LEFTY1: variants seen among roughly 807,000 people sequenced by gnomAD.
The protein encoded by LEFTY1 is left-right determination factor 1.
In LEFTY1, 18 loss-of-function variants were observed where a neutral mutation model predicts 22.6. The ratio of observed to expected loss-of-function variants is 0.80; its 90% CI spans 0.55 to 1.18. LEFTY1 has a LOEUF of 1.18. Ranked by LOEUF, LEFTY1 falls within the 50% of genes most tolerant of loss-of-function variation. LEFTY1 has a pLI of 0.00. For synonymous variants in LEFTY1, 201 were observed against 231.5 expected, an observed-to-expected ratio of 0.87 and a Z score of 1.20; for missense variants, 414 against 495.4, an observed-to-expected ratio of 0.84 and a Z score of 1.56.
chr1:225,888,031 C>T lies in LEFTY1; in HGVS notation c.252G>A (p.Glu84=). The T allele has an allele frequency of 6.3e-7, 1 of 1,591,372 alleles. No individual in the cohort carries two copies. ...RGKRFSQSFR[E]VAGRFLALEA... ...CCAACGCCAGGAACCTGCCGGCCAC[C>T]TCTGGGGACAAGAGCAGGGTCAGCA... The change falls in exon 2 of 4, where the codon GAG becomes GAA. Residue 84 remains glutamate (E), a splice_region_variant and synonymous_variant. Transcript: ENST00000272134.
chr1:225,887,567 A>T lies in LEFTY1; in HGVS notation c.569T>A (p.Leu190Gln), dbSNP rs1316050197. The change falls in exon 3 of 4, where the codon CTG (leucine) becomes CAG (glutamine). Residue 190 changes from leucine to glutamine, a missense_variant. By Grantham distance (113) the Leu-to-Gln change is moderately radical. Coordinates refer to ENST00000272134, the MANE Select transcript of LEFTY1 (RefSeq NM_020997.4). ...CAGCAGCGGCTGCCGGGGCCGGCTC[A>T]GCTGCTGCCAGAAGTTCACGGCCTC... ...VTEAVNFWQQ[L>Q]SRPRQPLLLQ... The T allele has an allele frequency of 1.3e-5, 21 of 1,611,080 alleles. No homozygotes were observed. The highest frequency in any genetic ancestry group is 1.7e-5 in the Non-Finnish European group (20 of 1,179,456).
Position 225,889,047 on chromosome 1 carries a change from C to A in LEFTY1, c.20G>T (p.Cys7Phe). The A allele has an allele frequency of 6.7e-7, 1 of 1,483,114 alleles. No homozygotes were observed. Among genetic ancestry groups the A allele is most frequent in the Non-Finnish European group, 8.9e-7 (1 of 1,119,100 alleles). The allele number at this position is 1,483,114 out of a possible 1,614,324, so 91.9% of individuals were successfully genotyped here. ...CAGGGGCAACACCCAGAGTGCCCAG[C>A]AGAGCCACAGGGGCTGCATGGTGCT... MQPLWL[C>F]WALWVLPLAS... Residue 7 changes from cysteine (C) to phenylalanine (F), a missense_variant, in exon 1 of 4, where the codon TGC (cysteine) becomes TTC (phenylalanine). Physicochemically the swap from Cys to Phe is radical, Grantham distance 205. This residue lies in a region of LEFTY1 where 398 missense variants were observed against 454.7 expected (regional missense o/e 0.88). Transcript: ENST00000272134.
intron 2 of LEFTY1, 70 bp downstream of exon 2, chr1:225,887,716 C>T (rs1671314162): frequency 1.3e-6 from 2 of 1,587,950 alleles, no homozygotes; most frequent in East Asian, 2.3e-5. Context: ...CACCGCCCCC[C>T]CGCGTCCCCG....
Position 225,886,665 on chromosome 1 carries a change from G to A in LEFTY1, c.*62C>T, listed in dbSNP as rs553573225. The A allele has an allele frequency of 1.9e-6, 3 of 1,607,542 alleles. No homozygotes were observed. Among genetic ancestry groups the A allele is most frequent in the South Asian group, 2.2e-5 (2 of 90,522 alleles). ...CAGTTCAGTCATCGCCAGCTCTCCTGGTACCCTCGAACACTTCAGAAACAC... is the reference window on the plus strand; with the variant it reads ...CAGTTCAGTCATCGCCAGCTCTCCTAGTACCCTCGAACACTTCAGAAACAC... On this transcript the variant is annotated 3_prime_UTR_variant, in exon 4 of 4. Coordinates refer to ENST00000272134, the MANE Select transcript of LEFTY1 (RefSeq NM_020997.4).
chr1:225,887,014 G>A lies in LEFTY1; in HGVS notation c.814C>T (p.Leu272=). Reference sequence around the variant, plus strand: ...TTCTCGGCCCACTTCATCCCCTGCAGGTCAATGTACATCTCCTGGCGGCAG... The same window carrying A: ...TTCTCGGCCCACTTCATCCCCTGCAAGTCAATGTACATCTCCTGGCGGCAG... ...RCCRQEMYID[L]QGMKWAENWV... is the part of the protein sequence containing the mutation. The change falls in exon 4 of 4, where the codon CTG becomes TTG. Residue 272 remains leucine (L), a synonymous_variant. Coordinates refer to ENST00000272134, the MANE Select transcript of LEFTY1 (RefSeq NM_020997.4). 6.2e-7 allele frequency: 1 copy of A among 1,606,380 alleles called. No individual in the cohort carries two copies. Among genetic ancestry groups the A allele is most frequent in the Non-Finnish European group, 8.5e-7 (1 of 1,175,182 alleles).
chr1:225,888,589 A>G (rs1671334502), intron 1 of LEFTY1, among the ~76,000 whole-genome samples: 1 of 152,212 alleles, frequency 6.6e-6, no homozygotes, highest in Non-Finnish European at 1.5e-5. Flanking sequence ...AACTCAGACC[A>G]GAGTGGCAGT....
rs1217052434 is a variant in LEFTY1, at chr1:225,888,988, G to A, written c.79C>T (p.Leu27Phe). The A allele has an allele frequency of 6.3e-7, 1 of 1,582,176 alleles. No homozygotes were observed. Among genetic ancestry groups the A allele is most frequent in the South Asian group, 1.1e-5 (1 of 87,298 alleles). The change falls in exon 1 of 4, where the codon CTC becomes TTC. Residue 27 changes from leucine to phenylalanine, a missense_variant. Physicochemically the swap from Leu to Phe is conservative, Grantham distance 22. Around this residue, in one of 2 missense-constraint regions of LEFTY1, gnomAD observed 398 missense variants for 454.7 expected, o/e 0.88. Transcript: ENST00000272134. Reference protein sequence around the residue: ...SPGAALTGEQLLGSLLRQLQL... With the variant: ...SPGAALTGEQFLGSLLRQLQL... ...AGCTGCCGCAGCAGGCTGCCCAGGA[G>A]CTGCTCCCCGGTCAGGGCGGCCCCG...
chr1:225,886,955 A>G lies in LEFTY1; in HGVS notation c.873T>C (p.Tyr291=), dbSNP rs913773611. Reference sequence around the variant, plus strand: ...GCTGCCGGCAGGTGCCCACACACTCATAAGCCAGGAAGCCCGGGGGCTCCA... The same window carrying G: ...GCTGCCGGCAGGTGCCCACACACTCGTAAGCCAGGAAGCCCGGGGGCTCCA... ...WVLEPPGFLA[Y]ECVGTCRQPP... The change falls in exon 4 of 4, where the codon TAT becomes TAC. Residue 291 remains tyrosine, a synonymous_variant. Coordinates refer to ENST00000272134, the MANE Select transcript of LEFTY1 (RefSeq NM_020997.4). The G allele has an allele frequency of 1.6e-5, 26 of 1,612,974 alleles. No homozygotes were observed. Among genetic ancestry groups the G allele is most frequent in the South Asian group, 3.3e-5 (3 of 91,056 alleles).
At position 225,887,844 on chromosome 1, in the gene LEFTY1, C is replaced by G. The variant is rs1291282554; in HGVS notation, c.439G>C (p.Val147Leu). 3 of 1,531,832 alleles carry G rather than the reference C, an allele frequency of 2.0e-6. No individual in the cohort carries two copies. The highest frequency in any genetic ancestry group is 2.3e-4 in the Middle Eastern group (1 of 4,326). The allele number at this position is 1,531,832 out of a possible 1,614,324, so 94.9% of individuals were successfully genotyped here. ...SPRSARARVT[V>L]EWLRVRDDGS... ...TCGTCGCGGACGCGCAGCCACTCGA[C>G]GGTCACCCGGGCCCGGGCGCTGCGC... The change falls in exon 2 of 4, where the codon GTC becomes CTC. Residue 147 changes from valine (V) to leucine (L), a missense_variant. By Grantham distance (32) the Val-to-Leu change is conservative. Around this residue, in one of 2 missense-constraint regions of LEFTY1, gnomAD observed 398 missense variants for 454.7 expected, o/e 0.88. Transcript: ENST00000272134.
chr1:225,887,135 T>G (rs1181570264), intron 3 of LEFTY1, 45 bp from the exon 4 acceptor site: 1 of 1,564,608 alleles, frequency 6.4e-7, no homozygotes, highest in Non-Finnish European at 8.6e-7. Flanking sequence ...CTGGGAGGGC[T>G]GAGGTCAGAG....
chr1:225,887,638 C>G lies in LEFTY1; in HGVS notation c.498G>C (p.Arg166Ser). Residue 166 changes from arginine to serine, a missense_variant and splice_region_variant, in exon 3 of 4, where the codon AGG becomes AGC. Arg to Ser is a moderately radical substitution (Grantham distance 110). Around this residue, in one of 2 missense-constraint regions of LEFTY1, gnomAD observed 398 missense variants for 454.7 expected, o/e 0.88. Coordinates refer to ENST00000272134, the MANE Select transcript of LEFTY1 (RefSeq NM_020997.4). Reference protein sequence around the residue: ...GSNRTSLIDSRLVSVHESGWK... With the variant: ...GSNRTSLIDSSLVSVHESGWK... ...AGCCGCTCTCGTGGACGGACACCAG[C>G]CTGAGACATGACACAGAGACCCAGC... 6.2e-7 allele frequency: 1 copy of G among 1,612,236 alleles called. No individual in the cohort carries two copies. The highest frequency in any genetic ancestry group is 8.5e-7 in the Non-Finnish European group (1 of 1,179,758).
rs573817762 is a variant in LEFTY1, at chr1:225,887,587, G to A, written c.549C>T (p.Ala183=). Residue 183 remains alanine (A), a synonymous_variant, in exon 3 of 4, where the codon GCC becomes GCT. Transcript: ENST00000272134. ...GGCTCAGCTGCTGCCAGAAGTTCAC[G>A]GCCTCGGTCACGTCGAAGGCCTTCC... ...SGWKAFDVTE[A]VNFWQQLSRP... 3.1e-6 allele frequency: 5 copies of A among 1,611,554 alleles called. No homozygotes were observed. In the South Asian group the frequency reaches 4.4e-5, roughly 14 times the overall value.
chr1:225,887,109 C>T lies in LEFTY1; in HGVS notation c.738-19G>A, dbSNP rs1671295480. 7 of 1,592,240 alleles carry T rather than the reference C, an allele frequency of 4.4e-6. No homozygotes were observed. Among genetic ancestry groups the T allele is most frequent in the Non-Finnish European group, 6.0e-6 (7 of 1,170,700 alleles). The stretch of plus-strand genomic sequence containing the variant: ...CTGAGCTCTGTGTGGGCAAAGAGAG[C>T]AGGGTCAGCGGTCAGCTGGGAGGGC... On this transcript the variant is annotated intron_variant, in intron 3 of 3. Coordinates refer to ENST00000272134, the MANE Select transcript of LEFTY1 (RefSeq NM_020997.4).
intron 1 of LEFTY1, 134 bp downstream of exon 1, chr1:225,888,683 A>C: frequency 8.2e-7 from 1 of 1,225,070 alleles, no homozygotes; most frequent in Non-Finnish European, 1.1e-6. Flanking sequence ...GCCCCACCTC[A>C]CTGCCCCTTA....
Position 225,888,914 on chromosome 1 carries a change from C to T in LEFTY1, c.153G>A (p.Leu51=), listed in dbSNP as rs768516437. The T allele has an allele frequency of 1.9e-6, 3 of 1,612,966 alleles. No individual in the cohort carries two copies. The change falls in exon 1 of 4, where the codon CTG becomes CTA. Residue 51 remains leucine (L), a synonymous_variant. Coordinates refer to ENST00000272134, the MANE Select transcript of LEFTY1 (RefSeq NM_020997.4). The part of the protein sequence containing the change: ...PTLDRADMEE[L]VIPTHVRAQY... The stretch of plus-strand genomic sequence containing the variant: ...GGGCCCTCACGTGGGTGGGGATGAC[C>T]AGCTCCTCCATGTCGGCCCTGTCCA...
At position 225,887,790 on chromosome 1, in the gene LEFTY1, A is replaced by C. The variant is rs1317633008; in HGVS notation, c.493T>G (p.Ser165Ala). ...DGSNRTSLID[S>A]RLVSVHESGW... ...GCGCGCCCCCGCGACCCCCACCTGGAGTCGATGAGGGAGGTGCGGTTGGAG... is the reference window on the plus strand; with the variant it reads ...GCGCGCCCCCGCGACCCCCACCTGGCGTCGATGAGGGAGGTGCGGTTGGAG... Residue 165 changes from serine (S) to alanine (A), a missense_variant, in exon 2 of 4, where the codon TCC becomes GCC. Physicochemically the swap from Ser to Ala is moderately conservative, Grantham distance 99. Coordinates refer to ENST00000272134, the MANE Select transcript of LEFTY1 (RefSeq NM_020997.4). The C allele has an allele frequency of 6.5e-7, 1 of 1,546,246 alleles. No individual in the cohort carries two copies.
Position 225,888,018 on chromosome 1 carries a change from A to T in LEFTY1, c.265T>A (p.Phe89Ile), listed in dbSNP as rs1390062520. The T allele has an allele frequency of 6.3e-7, 1 of 1,591,038 alleles. No individual in the cohort carries two copies. The highest frequency in any genetic ancestry group is 1.7e-5 in the Admixed American group (1 of 59,680). Residue 89 changes from phenylalanine (F) to isoleucine (I), a missense_variant, in exon 2 of 4, where the codon TTC becomes ATC. Phe to Ile is a conservative substitution (Grantham distance 21, BLOSUM62 0). Coordinates refer to ENST00000272134, the MANE Select transcript of LEFTY1 (RefSeq NM_020997.4). ...SQSFREVAGR[F>I]LALEASTHLL... Reference sequence around the variant, plus strand: ...TGTGTGCTGGCCTCCAACGCCAGGAACCTGCCGGCCACCTCTGGGGACAAG... The same window carrying T: ...TGTGTGCTGGCCTCCAACGCCAGGATCCTGCCGGCCACCTCTGGGGACAAG...
rs762804654 is a variant in LEFTY1 at position 225,888,795 on chromosome 1, C to T, written c.250+22G>A. On this transcript the variant is annotated intron_variant, in intron 1 of 3. Transcript: ENST00000272134. ...CTGACCTGCCCCATGGGACCAGGGG[C>T]AGCAGGGAGGGAGGGCCTCACCTCG... 4 of 1,612,584 alleles carry T rather than the reference C, an allele frequency of 2.5e-6. No homozygotes were observed. The Middle Eastern group carries it at 5.2e-4, about 210-fold the overall frequency.
rs1384533130 is a variant in LEFTY1 at position 225,887,927 on chromosome 1, C to A, written c.356G>T (p.Arg119Leu). 6.5e-7 allele frequency: 1 copy of A among 1,547,860 alleles called. No homozygotes were observed. Among genetic ancestry groups the A allele is most frequent in the Non-Finnish European group, 8.7e-7 (1 of 1,155,802 alleles). Residue 119 changes from arginine to leucine, a missense_variant, in exon 2 of 4, where the codon CGG (arginine) becomes CTG (leucine). Around this residue, in one of 2 missense-constraint regions of LEFTY1, gnomAD observed 398 missense variants for 454.7 expected, o/e 0.88. Coordinates refer to ENST00000272134, the MANE Select transcript of LEFTY1 (RefSeq NM_020997.4). The stretch of plus-strand genomic sequence containing the variant: ...CTTGGGGACCGGCTCCTGGAAGAGC[C>A]GCAGCACGGCCTGCACCAGCTCGCT... Reference protein sequence around the residue: ...PNSELVQAVLRLFQEPVPKAA... With the variant: ...PNSELVQAVLLLFQEPVPKAA...
Sources: gnomAD v4.1 joint callset for allele counts (sites outside exome capture counted in the v4.1 genomes callset) on GRCh38, gnomAD v4.1.1 for gene constraint, gnomAD v4.1.1 regional missense constraint, MANE v1.5 for transcripts, NCBI Gene and HGNC (gene_info 2026-07-23, HGNC 2026-07-21) for gene names.